The following ARHGAP35 variants were observed in gnomAD, a reference collection of about 807,000 sequenced individuals.
ARHGAP35 encodes the protein Rho GTPase activating protein 35.
Under a neutral mutation model 111.1 loss-of-function variants are expected in ARHGAP35, and 15 were observed. The ratio of observed to expected loss-of-function variants is 0.13; its 90% CI spans 0.09 to 0.21. The LOEUF (loss-of-function observed/expected upper bound fraction) is 0.21. ARHGAP35 is among the 10% of genes least tolerant of loss of function. The pLI is 1.00. For missense variants in ARHGAP35, 1,262 were observed against 1,873.0 expected, an observed-to-expected ratio of 0.67 and a Z score of 6.02; for synonymous variants, 643 against 710.3, an observed-to-expected ratio of 0.91 and a Z score of 1.51.
At chr19:46,983,795 T>G (rs1200563266) in intron 3 of ARHGAP35, among the ~76,000 whole-genome samples, 1 of 151,920 alleles carries the variant, frequency 6.6e-6, no homozygotes. Context: ...TTTTGTATTT[T>G]TAGTAGAGAC....
At chr19:46,969,587 C>T (rs2056533600) in intron 3 of ARHGAP35, among the ~76,000 whole-genome samples, 1 of 152,184 alleles carries the variant, frequency 6.6e-6, no homozygotes, top group Admixed American at 6.5e-5. Context: ...ATCCAGCCCG[C>T]GTGAGCTGCG....
Position 46,988,008 on chromosome 19 carries a change from C to A in ARHGAP35, c.3846C>A (p.Ile1282=). 1 of 1,613,948 alleles carries A rather than the reference C, an allele frequency of 6.2e-7. No individual in the cohort carries two copies. Among genetic ancestry groups the A allele is most frequent in the Non-Finnish European group, 8.5e-7 (1 of 1,179,870 alleles). Reference sequence around the variant, plus strand: ...CCTCAGGACTGAGCACGGAAGGCATCTACCGGGTCAGCGGGAACAAGTCTG... The same window carrying A: ...CCTCAGGACTGAGCACGGAAGGCATATACCGGGTCAGCGGGAACAAGTCTG... ...IEATGLSTEG[I]YRVSGNKSEM... is the part of the protein sequence containing the mutation. Residue 1282 remains isoleucine (I), a synonymous_variant, in exon 4 of 7, where the codon ATC becomes ATA. Transcript: ENST00000672722. This position sits in a 1 kb window ranked among gnomAD's most constrained non-coding sequence, Gnocchi z 5.4.
chr19:46,868,688 C>T (rs2055871001), intron 1 of ARHGAP35, among the ~76,000 whole-genome samples: 1 of 151,866 alleles, frequency 6.6e-6, no homozygotes, highest in African/African-American at 2.4e-5. Context: ...TGTAATGACT[C>T]CTTAAATCTA....
chr19:46,937,488 T>C, intron 3 of ARHGAP35, 80 bp downstream of exon 3: 2 of 1,498,982 alleles, frequency 1.3e-6, no homozygotes, highest in Non-Finnish European at 1.8e-6. Context: ...ATCTGGAGAT[T>C]CTGGAATCAG....
chr19:46,944,675 G>A (rs1366556834), intron 3 of ARHGAP35, among the ~76,000 whole-genome samples: 17 of 152,212 alleles, frequency 1.1e-4, no homozygotes, highest in African/African-American at 3.4e-4. Context: ...GCACGTGGCA[G>A]TTTCCTGTGA....
At chr19:46,991,227 C>T (rs2056677493) in intron 5 of ARHGAP35, among the ~76,000 whole-genome samples, 1 of 152,190 alleles carries the variant, frequency 6.6e-6, no homozygotes, top group African/African-American at 2.4e-5. Context: ...TTTCTTTCCA[C>T]GGAAGCTTGT....
intron 3 of ARHGAP35, among the ~76,000 whole-genome samples, chr19:46,941,813 G>A (rs1314886743): frequency 3.4e-5 from 3 of 88,872 alleles, no homozygotes; most frequent in Admixed American, 3.0e-4. Flanking sequence ...TCCCACCTTG[G>A]CCTCCCAAAG....
rs2055924957 is a variant in ARHGAP35, at chr19:46,876,782, T to C, written c.-189+15573T>C. The stretch of plus-strand genomic sequence containing the variant: ...CCTCCCAAAGTGCTGGGATTACAGG[T>C]GTGAGCACGTGGCTGGACTTGGCTT... On this transcript the variant is annotated intron_variant, in intron 1 of 6. Coordinates refer to ENST00000672722, the MANE Select transcript of ARHGAP35 (RefSeq NM_004491.5). 2.0e-5 allele frequency among the ~76,000 whole-genome samples: 3 copies of C among 152,026 alleles called. No homozygotes were observed. In the South Asian group the frequency reaches 6.2e-4, roughly 32 times the overall value.
At chr19:46,956,226 G>A (rs1295543220) in intron 3 of ARHGAP35, among the ~76,000 whole-genome samples, 1 of 152,182 alleles carries the variant, frequency 6.6e-6, no homozygotes, top group Non-Finnish European at 1.5e-5. Flanking sequence ...GCTAAGGTGA[G>A]AGAATCACTT....
At chr19:46,863,384 C>T (rs2055839304) in intron 1 of ARHGAP35, among the ~76,000 whole-genome samples, 1 of 152,182 alleles carries the variant, frequency 6.6e-6, no homozygotes. Flanking sequence ...GTGTCTCCCC[C>T]ATTTCCCCCA....
intron 1 of ARHGAP35, among the ~76,000 whole-genome samples, chr19:46,881,118 T>C (rs573261734): frequency 6.6e-6 from 1 of 152,150 alleles, no homozygotes; most frequent in South Asian, 2.1e-4. Context: ...CTAATTTTTG[T>C]TTTTCGAGTA....
chr19:46,956,108 A>T (rs2056437752), intron 3 of ARHGAP35, among the ~76,000 whole-genome samples: 1 of 152,218 alleles, frequency 6.6e-6, no homozygotes, highest in African/African-American at 2.4e-5. Context: ...ACTTGAGCCC[A>T]GGAGTTTGAG....
At chr19:46,966,993 G>C (rs945170251) in intron 3 of ARHGAP35, among the ~76,000 whole-genome samples, 2 of 152,192 alleles carry the variant, frequency 1.3e-5, no homozygotes, top group African/African-American at 4.8e-5. Flanking sequence ...GGTGTGGAAA[G>C]TCAACTGAAT....
At chr19:46,927,089 G>T (rs1402306602) in intron 2 of ARHGAP35, among the ~76,000 whole-genome samples, 1 of 152,198 alleles carries the variant, frequency 6.6e-6, no homozygotes, top group African/African-American at 2.4e-5. Context: ...TAAAAATGGG[G>T]TGGGCACACT....
At position 46,918,539 on chromosome 19, in the gene ARHGAP35, G is replaced by T; in HGVS notation, c.-137G>T. 1 of 763,660 alleles carries T rather than the reference G, an allele frequency of 1.3e-6. No homozygotes were observed. The highest frequency in any genetic ancestry group is 2.5e-5 in the East Asian group (1 of 39,764). 47.3% of individuals were successfully genotyped at this position (763,660 alleles called of 1,614,324 possible). ...AGAGGTGGTGAACAGTGACCATACT[G>T]GTATACAACACTATGGGACCTGGCA... On this transcript the variant is annotated 5_prime_UTR_variant, in exon 2 of 7. Transcript: ENST00000672722. The surrounding 1 kb of genome is among the most constrained non-coding windows in gnomAD (Gnocchi z 5.4).
rs149719599 is a variant in ARHGAP35 at position 46,904,431 on chromosome 19, A to G, written c.-188-14057A>G. On this transcript the variant is annotated intron_variant, in intron 1 of 6. Transcript: ENST00000672722. ...CTTTATCTGCCCTGTTCCTTTGGCT[A>G]ATCTTCTGTCAGCGAGACACAGGGT... is the stretch of plus-strand genomic sequence containing the variant. Among the ~76,000 whole-genome samples the G allele has an allele frequency of 1.6e-4, 24 of 152,256 alleles. 1 individual carries two copies. The South Asian group carries it at 1.9e-3, about 12-fold the overall frequency.
intron 3 of ARHGAP35, among the ~76,000 whole-genome samples, chr19:46,954,416 G>A (rs952907595): frequency 2.6e-5 from 4 of 152,212 alleles, no homozygotes; most frequent in African/African-American, 4.8e-5. Flanking sequence ...AATTGGGTCA[G>A]CAGAAATGGG....
At chr19:46,968,518 G>A (rs1042161865) in intron 3 of ARHGAP35, among the ~76,000 whole-genome samples, 12 of 152,084 alleles carry the variant, frequency 7.9e-5, no homozygotes, top group African/African-American at 2.9e-4. Flanking sequence ...CAGAATTTGG[G>A]TTCAAAATAA....
In ARHGAP35 at chr19:46,863,297, C is replaced by G. The variant is rs144335943; in HGVS notation, c.-189+2088C>G. Among the ~76,000 whole-genome samples the G allele has an allele frequency of 1.2e-3, 182 of 152,330 alleles. 2 individuals carry two copies. Among genetic ancestry groups the G allele is most frequent in the African/African-American group, 4.2e-3 (175 of 41,574 alleles). The stretch of plus-strand genomic sequence containing the variant: ...TCTCTGCGCCCTAACCCTGAGGGTT[C>G]TCTCCCCAGGGATCCTGAGAGATCT... On this transcript the variant is annotated intron_variant, in intron 1 of 6. Transcript: ENST00000672722.
Sources: allele counts gnomAD v4.1 joint callset (sites outside exome capture counted in the v4.1 genomes callset), GRCh38; gene constraint gnomAD v4.1.1; non-coding constraint Gnocchi (gnomAD v3.1); transcripts MANE v1.5; gene names NCBI Gene and HGNC (gene_info 2026-07-23, HGNC 2026-07-21).